ANK3: variants seen among roughly 807,000 people sequenced by gnomAD.
ANK3 encodes ankyrin-3.
ANK3 carries 57 observed loss-of-function variants against 370.9 expected under a neutral mutation model. The ratio of observed to expected loss-of-function variants is 0.15; its 90% CI spans 0.12 to 0.19. ANK3 has a LOEUF of 0.19. Among genes scored for constraint, ANK3 ranks in the 10% least tolerant of loss-of-function variants. The pLI is 1.00. For missense variants in ANK3, 4,439 were observed against 5,302.1 expected (o/e 0.84, Z 5.06); for synonymous variants, 1,929 against 1,946.3 (o/e 0.99, Z 0.23).
At chr10:60,645,733 A>C (rs2078701970) in intron 1 of ANK3, among the ~76,000 whole-genome samples, 1 of 152,048 alleles carries the variant, frequency 6.6e-6, no homozygotes, top group Non-Finnish European at 1.5e-5. Context: ...TCAAGAGAAA[A>C]AGAAAAAAGA....
At chr10:60,685,129 T>C (rs1267419361) in intron 1 of ANK3, 6 of 846,956 alleles carry the variant, frequency 7.1e-6, no homozygotes, top group Non-Finnish European at 1.1e-5. Flanking sequence ...TGGTCTGATT[T>C]TGACAAATGG....
intron 28 of ANK3, among the ~76,000 whole-genome samples, chr10:60,094,186 T>A (rs1050123058): frequency 7.2e-5 from 10 of 138,534 alleles, no homozygotes; most frequent in Middle Eastern, 3.3e-3. Flanking sequence ...ATTCTATTTT[T>A]TTTTTTTTTT....
At chr10:60,516,447 G>A (rs2076221527) in intron 2 of ANK3, among the ~76,000 whole-genome samples, 1 of 152,068 alleles carries the variant, frequency 6.6e-6, no homozygotes, top group Non-Finnish European at 1.5e-5. Flanking sequence ...CCACAAGATT[G>A]GCATCAGTAG....
intron 2 of ANK3, among the ~76,000 whole-genome samples, chr10:60,561,794 A>G (rs2077341034): frequency 6.6e-6 from 1 of 152,156 alleles, no homozygotes; most frequent in African/African-American, 2.4e-5. Flanking sequence ...AGTGGACCCA[A>G]GTCCCTGTGG....
At chr10:60,513,210 G>A (rs2076133082) in intron 2 of ANK3, among the ~76,000 whole-genome samples, 1 of 152,100 alleles carries the variant, frequency 6.6e-6, no homozygotes, top group South Asian at 2.1e-4. Context: ...CATAGGTTAT[G>A]TTCAATATTG....
chr10:60,146,772 G>A (rs759056577), intron 23 of ANK3, among the ~76,000 whole-genome samples: 4 of 152,254 alleles, frequency 2.6e-5, no homozygotes, highest in South Asian at 4.1e-4. Context: ...GAGCCACTGC[G>A]CCCGGCAAAG....
At chr10:60,037,984 A>G (rs1589095774) in intron 43 of ANK3, among the ~76,000 whole-genome samples, 3 of 152,234 alleles carry the variant, frequency 2.0e-5, no homozygotes, top group African/African-American at 7.2e-5. Flanking sequence ...AATAATAGCC[A>G]TTCTGACTGG....
Position 60,071,253 on chromosome 10 carries a change from C to T in ANK3, c.9628G>A (p.Glu3210Lys). The change falls in exon 37 of 44, where the codon GAG becomes AAG. Residue 3210 changes from glutamate to lysine, a missense_variant. Glu to Lys is a moderately conservative substitution (Grantham distance 56). Around this residue, in one of 13 missense-constraint regions of ANK3, gnomAD observed 1,601 missense variants for 1,731.7 expected, o/e 0.92. Transcript: ENST00000280772. ...IPEVSEESEE[E>K]EQAKSTSLKQ... ...AGGGAGGTTGACTTGGCCTGTTCCT[C>T]CTCCTCTGACTCCTCAGAAACCTCG... is the stretch of plus-strand genomic sequence containing the variant. The T allele has an allele frequency of 6.2e-7, 1 of 1,614,142 alleles. No individual in the cohort carries two copies. The highest frequency in any genetic ancestry group is 1.1e-5 in the South Asian group (1 of 91,086).
chr10:60,496,439 T>C (rs1280715370), intron 2 of ANK3, among the ~76,000 whole-genome samples: 3 of 152,160 alleles, frequency 2.0e-5, no homozygotes, highest in African/African-American at 7.2e-5. Flanking sequence ...AACAAACCAT[T>C]GGTAAAACAA....
intron 1 of ANK3, among the ~76,000 whole-genome samples, chr10:60,319,577 A>G (rs1427671268): frequency 6.6e-6 from 1 of 152,142 alleles, no homozygotes; most frequent in African/African-American, 2.4e-5. Flanking sequence ...GATGCTTTAA[A>G]ACACACCCAT....
At chr10:60,552,527 T>C (rs2077110641) in intron 2 of ANK3, among the ~76,000 whole-genome samples, 1 of 152,236 alleles carries the variant, frequency 6.6e-6, no homozygotes, top group African/African-American at 2.4e-5. Flanking sequence ...AATTTGGTAT[T>C]GCACTTTAGT....
At chr10:60,486,296 T>A (rs1373219994) in intron 2 of ANK3, among the ~76,000 whole-genome samples, 1 of 152,220 alleles carries the variant, frequency 6.6e-6, no homozygotes, top group Admixed American at 6.5e-5. Context: ...CAGTTATTTG[T>A]GGTCAGGCGC....
chr10:60,145,353 G>A (rs952766953), intron 23 of ANK3, among the ~76,000 whole-genome samples: 2 of 152,158 alleles, frequency 1.3e-5, no homozygotes, highest in African/African-American at 4.8e-5. Flanking sequence ...AGAGATTAAT[G>A]ATCAAACTTG....
At chr10:60,060,531 C>T (rs2080209141) in intron 40 of ANK3, 1 of 152,152 alleles carries the variant, frequency 6.6e-6, no homozygotes, top group Non-Finnish European at 1.5e-5. Context: ...TCTTCTTTCA[C>T]ATGAAATTAT....
At chr10:60,213,056 C>T (rs539054484) in intron 9 of ANK3, among the ~76,000 whole-genome samples, 1 of 152,200 alleles carries the variant, frequency 6.6e-6, no homozygotes, top group African/African-American at 2.4e-5. Flanking sequence ...AAGAAGTAAG[C>T]TGAGGTGCTG....
chr10:60,336,743 G>A (rs2053053197), intron 1 of ANK3, among the ~76,000 whole-genome samples: 1 of 152,200 alleles, frequency 6.6e-6, no homozygotes, highest in Non-Finnish European at 1.5e-5. Context: ...CATATCTACT[G>A]ATGCCAGATG....
intron 23 of ANK3, among the ~76,000 whole-genome samples, chr10:60,146,743 G>C (rs1005870790): frequency 2.0e-5 from 3 of 152,140 alleles, no homozygotes; most frequent in African/African-American, 7.2e-5. Context: ...GCCTCCCAAA[G>C]TGCTGGGATT....
At position 60,161,603 on chromosome 10, in the gene ANK3, T is replaced by C. The variant is rs1317780810; in HGVS notation, c.2614+4988A>G. On this transcript the variant is annotated intron_variant, in intron 23 of 43. Coordinates refer to ENST00000280772, the MANE Select transcript of ANK3 (RefSeq NM_020987.5). ...TTTTTTGCAAAAACATGGATGGAAT[T>C]GGAGACATTATCTTAAGTGAGGTAA... 3.3e-5 allele frequency among the ~76,000 whole-genome samples: 5 copies of C among 152,146 alleles called. 1 individual carries two copies. The highest frequency in any genetic ancestry group is 3.3e-4 in the Admixed American group (5 of 15,280).
At chr10:60,647,605 TAAA>T (rs34081842) in intron 1 of ANK3, among the ~76,000 whole-genome samples, 1 of 144,812 alleles carries the variant, frequency 6.9e-6, no homozygotes, top group African/African-American at 2.6e-5. Context: ...CTAAAAACAG[TAAA>T]AAAAAAAAAA....
Sources: allele counts gnomAD v4.1 joint callset (sites outside exome capture counted in the v4.1 genomes callset), GRCh38; gene constraint gnomAD v4.1.1; regional missense constraint gnomAD v4.1.1; transcripts MANE v1.5; gene names NCBI Gene and HGNC (gene_info 2026-07-23, HGNC 2026-07-21).